MACROD2: variants seen among roughly 807,000 people sequenced by gnomAD.
The protein encoded by MACROD2 is mono-ADP ribosylhydrolase 2, also known as ADP-ribose glycohydrolase MACROD2.
In MACROD2, 36 loss-of-function variants were observed where a neutral mutation model predicts 70.4. The ratio of observed to expected loss-of-function variants is 0.51; its 90% CI spans 0.39 to 0.68. MACROD2 has a LOEUF of 0.68. Ranked by LOEUF, MACROD2 falls within the 30% of genes least tolerant of loss-of-function variation. MACROD2 has a pLI of 0.00. For missense variants in MACROD2, 496 were observed against 538.4 expected (o/e 0.92, Z 0.78); for synonymous variants, 172 against 178.8 (o/e 0.96, Z 0.30).
In MACROD2 at chr20:15,122,856, A is replaced by G. The variant is rs149362021; in HGVS notation, c.419-107084A>G. 8.2e-4 allele frequency among the ~76,000 whole-genome samples: 125 copies of G among 152,266 alleles called. 1 individual carries two copies. The highest frequency in any genetic ancestry group is 2.5e-3 in the African/African-American group (103 of 41,546). On this transcript the variant is annotated intron_variant, in intron 5 of 17. Transcript: ENST00000684519. ...CACTTGAGGTTTATCCACTGAGTAA[A>G]TAACTAGGGTGAAAAAGTCTTTGCC...
chr20:15,707,776 C>T (rs1390329283), intron 8 of MACROD2, among the ~76,000 whole-genome samples: 1 of 151,722 alleles, frequency 6.6e-6, no homozygotes, highest in East Asian at 1.9e-4. Flanking sequence ...CAGAGTGAGA[C>T]TCTGTCTCAA....
chr20:15,344,263 C>T (rs1248660322), intron 6 of MACROD2, among the ~76,000 whole-genome samples: 2 of 152,142 alleles, frequency 1.3e-5, no homozygotes, highest in Non-Finnish European at 2.9e-5. Flanking sequence ...TTTACTAGTT[C>T]ATGCTCTTTT....
At chr20:14,579,639 G>C in intron 4 of MACROD2, among the ~76,000 whole-genome samples, 1 of 152,080 alleles carries the variant, frequency 6.6e-6, no homozygotes, top group East Asian at 1.9e-4. Context: ...GATGTAATTT[G>C]ATTCTATTAA....
At position 15,655,286 on chromosome 20, in the gene MACROD2, G is replaced by A. The variant is rs148295582; in HGVS notation, c.645+155439G>A. 2.7e-5 allele frequency among the ~76,000 whole-genome samples: 4 copies of A among 150,276 alleles called. No individual in the cohort carries two copies. In the East Asian group the frequency reaches 7.8e-4, roughly 29 times the overall value. On this transcript the variant is annotated intron_variant, in intron 8 of 17. Transcript: ENST00000684519. ...TACCTTTTGAAAATAGAGATGTTTAGGCATTTTATATTCATTTTTTAGAGT... is the reference window on the plus strand; with the variant it reads ...TACCTTTTGAAAATAGAGATGTTTAAGCATTTTATATTCATTTTTTAGAGT...
chr20:15,411,047 T>G (rs2146324339), intron 6 of MACROD2, among the ~76,000 whole-genome samples: 1 of 152,234 alleles, frequency 6.6e-6, no homozygotes, highest in Non-Finnish European at 1.5e-5. Context: ...TTAGCTAAAC[T>G]TATGCTATTC....
At chr20:14,784,668 T>TG (rs3045608) in intron 5 of MACROD2, among the ~76,000 whole-genome samples, 15,573 of 93,302 alleles carry the variant, frequency 0.17, 2,191 homozygotes, top group Non-Finnish European at 0.24. Flanking sequence ...GTGTTTTAAG[T>TG]GGGGGGGGGG....
chr20:14,843,360 C>T (rs1442188762), intron 5 of MACROD2, among the ~76,000 whole-genome samples: 5 of 151,268 alleles, frequency 3.3e-5, no homozygotes, highest in African/African-American at 9.7e-5. Flanking sequence ...TATACTTTAC[C>T]CATACAGTAG....
At chr20:15,232,505 A>C (rs1052808200) in intron 6 of MACROD2, among the ~76,000 whole-genome samples, 1 of 152,034 alleles carries the variant, frequency 6.6e-6, no homozygotes, top group Non-Finnish European at 1.5e-5. Context: ...GTAAATTACT[A>C]CTGTTATTGC....
At position 15,461,006 on chromosome 20, in the gene MACROD2, A is replaced by ATTTTT. The variant is rs951397131; in HGVS notation, c.571+29576_571+29580dup. On this transcript the variant is annotated intron_variant, in intron 7 of 17. Coordinates refer to ENST00000684519, the MANE Select transcript of MACROD2 (RefSeq NM_001351661.2). Reference sequence around the variant, plus strand: ...TATATATATATATATATATATATATATTTTTTTTTAATAGATGGGGTCTTG... The same window carrying ATTTTT: ...TATATATATATATATATATATATATATTTTTTTTTTTTTTAATAGATGGGGTCTTG... Among the ~76,000 whole-genome samples, 328 of 66,916 alleles carry ATTTTT rather than the reference A, an allele frequency of 4.9e-3. 8 individuals carry two copies. Among genetic ancestry groups the ATTTTT allele is most frequent in the Middle Eastern group, 0.026 (3 of 114 alleles). The allele number at this position is 66,916 out of a possible 152,430, so 43.9% of individuals were successfully genotyped here.
intron 4 of MACROD2, among the ~76,000 whole-genome samples, chr20:14,549,165 T>C (rs1440685561): frequency 6.6e-6 from 1 of 152,182 alleles, no homozygotes; most frequent in African/African-American, 2.4e-5. Context: ...TGAGACATTA[T>C]CAGAGAACAA....
At chr20:15,914,029 A>C (rs2065274497) in intron 10 of MACROD2, among the ~76,000 whole-genome samples, 1 of 152,216 alleles carries the variant, frequency 6.6e-6, no homozygotes, top group South Asian at 2.1e-4. Flanking sequence ...GATAAATCTC[A>C]TTGTTTAAAG....
intron 5 of MACROD2, among the ~76,000 whole-genome samples, chr20:14,712,631 A>T (rs978216784): frequency 1.3e-5 from 2 of 152,198 alleles, no homozygotes; most frequent in African/African-American, 4.8e-5. Context: ...GCCTTCAGAC[A>T]TTGCACTGAT....
In MACROD2 at chr20:15,445,546, C is replaced by G. The variant is rs888994373; in HGVS notation, c.571+14111C>G. Among the ~76,000 whole-genome samples the G allele has an allele frequency of 7.2e-5, 11 of 152,048 alleles. No homozygotes were observed. The East Asian group carries it at 1.2e-3, about 16-fold the overall frequency. On this transcript the variant is annotated intron_variant, in intron 7 of 17. Coordinates refer to ENST00000684519, the MANE Select transcript of MACROD2 (RefSeq NM_001351661.2). ...GACAGCAGATTCTTACGGACAAAAC[C>G]AAATCATGTTTCTGTACATAGATTT... is the stretch of plus-strand genomic sequence containing the variant.
At chr20:15,688,969 G>T (rs1415449237) in intron 8 of MACROD2, among the ~76,000 whole-genome samples, 2 of 152,204 alleles carry the variant, frequency 1.3e-5, no homozygotes, top group African/African-American at 4.8e-5. Context: ...CACTTAACAT[G>T]TGCCAGTCAT....
intron 2 of MACROD2, among the ~76,000 whole-genome samples, chr20:14,047,471 A>C (rs2148645403): frequency 6.6e-6 from 1 of 152,174 alleles, no homozygotes; most frequent in South Asian, 2.1e-4. Flanking sequence ...AAAAAAAAAA[A>C]AAAATCCATG....
intron 8 of MACROD2, among the ~76,000 whole-genome samples, chr20:15,780,186 T>G (rs1600880540): frequency 6.6e-6 from 1 of 152,266 alleles, no homozygotes; most frequent in East Asian, 1.9e-4. Context: ...CCTTCTAATA[T>G]ATAGTTTAGT....
intron 2 of MACROD2, among the ~76,000 whole-genome samples, chr20:14,037,124 T>A (rs2053322565): frequency 6.6e-6 from 1 of 152,174 alleles, no homozygotes; most frequent in East Asian, 1.9e-4. Context: ...TTTTAAAGGG[T>A]ATTATATACC....
intron 5 of MACROD2, among the ~76,000 whole-genome samples, chr20:15,011,857 T>C (rs1167250445): frequency 6.6e-6 from 1 of 152,210 alleles, no homozygotes; most frequent in Non-Finnish European, 1.5e-5. Context: ...TTTCCAACTC[T>C]GGCCTCTACC....
Position 14,668,808 on chromosome 20 carries a change from A to T in MACROD2, c.302-16035A>T, listed in dbSNP as rs1033091968. Reference sequence around the variant, plus strand: ...ACATTTCCATGAAAATTTAGAAGTTATGAGGGCAAAATCTTCATCTATACA... The same window carrying T: ...ACATTTCCATGAAAATTTAGAAGTTTTGAGGGCAAAATCTTCATCTATACA... On this transcript the variant is annotated intron_variant, in intron 4 of 17. Coordinates refer to ENST00000684519, the MANE Select transcript of MACROD2 (RefSeq NM_001351661.2). Among the ~76,000 whole-genome samples the T allele has an allele frequency of 5.9e-5, 9 of 152,174 alleles. 1 individual carries two copies. The highest frequency in any genetic ancestry group is 1.2e-4 in the Non-Finnish European group (8 of 67,998).
Sources: gnomAD v4.1 joint callset for allele counts (sites outside exome capture counted in the v4.1 genomes callset) on GRCh38, gnomAD v4.1.1 for gene constraint, MANE v1.5 for transcripts, NCBI Gene and HGNC (gene_info 2026-07-23, HGNC 2026-07-21) for gene names.